KCTD1: variants seen among roughly 807,000 people sequenced by gnomAD.
KCTD1 encodes the protein potassium channel tetramerization domain containing 1.
KCTD1 carries 24 observed loss-of-function variants against 66.0 expected under a neutral mutation model. That is an observed-to-expected ratio of 0.36 (90% CI 0.26 to 0.51). The LOEUF is 0.51. Ranked by LOEUF, KCTD1 falls within the 20% of genes least tolerant of loss-of-function variation. The pLI, the probability that KCTD1 is intolerant of heterozygous loss-of-function variation, is 0.95. For missense variants in KCTD1, 943 were observed against 1,205.2 expected (o/e 0.78, Z 3.22); for synonymous variants, 511 against 517.2 (o/e 0.99, Z 0.16).
Position 26,455,780 on chromosome 18 carries a change from G to A in KCTD1, c.2561C>T (p.Pro854Leu), listed in dbSNP as rs749371844. Reference sequence around the variant, plus strand: ...CTCTTGCTTTATCCGGATGACGGAGGGTACACGGGGCGTCCGCCTCAGTTC... The same window carrying A: ...CTCTTGCTTTATCCGGATGACGGAGAGTACACGGGGCGTCCGCCTCAGTTC... ...RRELRRTPRV[P>L]SVIRIKQEPL... Residue 854 changes from proline (P) to leucine (L), a missense_variant, in exon 5 of 5, where the codon CCC (proline) becomes CTC (leucine). This residue lies in a region of KCTD1 where 162 missense variants were observed against 232.4 expected (regional missense o/e 0.70). Transcript: ENST00000580059. 51 of 1,613,958 alleles carry A rather than the reference G, an allele frequency of 3.2e-5. No homozygotes were observed. Among genetic ancestry groups the A allele is most frequent in the Non-Finnish European group, 4.3e-5 (51 of 1,180,012 alleles).
At chr18:26,579,446 G>A (rs867953499) in intron 1 of KCTD1, among the ~76,000 whole-genome samples, 7 of 152,104 alleles carry the variant, frequency 4.6e-5, no homozygotes, top group African/African-American at 1.4e-4. Flanking sequence ...CAGAGAAAAC[G>A]AAAATTGTAA....
At chr18:26,643,026 C>T (rs1987861344), upstream of KCTD1, among the ~76,000 whole-genome samples, 1 of 152,100 alleles carries the variant, frequency 6.6e-6, no homozygotes, top group Non-Finnish European at 1.5e-5. Flanking sequence ...TGAGTTCAGG[C>T]TGCCATAACA....
At chr18:26,501,313 T>C (rs1044711646) in intron 1 of KCTD1, 63 bp from the exon 2 acceptor site, 28 of 1,390,634 alleles carry the variant, frequency 2.0e-5, no homozygotes, top group Middle Eastern at 1.8e-4. Context: ...AGGAAATACA[T>C]ATAGCATAAA....
rs890301552 is a variant in KCTD1 at position 26,547,661 on chromosome 18, C to G, written c.876G>C (p.Leu292=). Residue 292 remains leucine, a synonymous_variant, in exon 1 of 5, where the codon CTG becomes CTC. Transcript: ENST00000580059. ...TGGTGCTGAAGACGCTGGAGGTGTACAGCTTGCGCAGGTCGGCGCGCGTGA... is the reference window on the plus strand; with the variant it reads ...TGGTGCTGAAGACGCTGGAGGTGTAGAGCTTGCGCAGGTCGGCGCGCGTGA... ...QAITRADLRK[L]YTSSVFSTNT... 1 of 1,551,566 alleles carries G rather than the reference C, an allele frequency of 6.4e-7. No individual in the cohort carries two copies. Among genetic ancestry groups the G allele is most frequent in the Non-Finnish European group, 8.7e-7 (1 of 1,147,002 alleles).
intron 1 of KCTD1, among the ~76,000 whole-genome samples, chr18:26,540,044 G>GATT (rs1489304607): frequency 6.6e-6 from 1 of 152,136 alleles, no homozygotes; most frequent in African/African-American, 2.4e-5. Flanking sequence ...GGGCCCAAAT[G>GATT]GGAACTGGTG....
At chr18:26,628,169 T>C (rs1987543398) in intron 1 of KCTD1, among the ~76,000 whole-genome samples, 1 of 152,324 alleles carries the variant, frequency 6.6e-6, no homozygotes, top group Non-Finnish European at 1.5e-5. Context: ...CATTTATTTT[T>C]CATCCAGACT....
chr18:26,564,333 G>C (rs1057021086), intron 1 of KCTD1, among the ~76,000 whole-genome samples: 3 of 152,096 alleles, frequency 2.0e-5, no homozygotes, highest in African/African-American at 7.2e-5. Flanking sequence ...CTGGGCTCTA[G>C]CTGCACCTCA....
At chr18:26,654,095 ACT>A (rs578237054) in intron 1 of KCTD1, among the ~76,000 whole-genome samples, 167 of 152,340 alleles carry the variant, frequency 1.1e-3, no homozygotes, top group African/African-American at 3.9e-3. Context: ...GAAAACTATC[ACT>A]CTGATTCAGA....
chr18:26,496,357 A>C (rs907571739), intron 2 of KCTD1, among the ~76,000 whole-genome samples: 1 of 152,166 alleles, frequency 6.6e-6, no homozygotes, highest in Non-Finnish European at 1.5e-5. Context: ...TCTTGACTTC[A>C]TACTTATTTA....
chr18:26,456,428 G>C (rs965250838), intron 4 of KCTD1: 3 of 152,234 alleles, frequency 2.0e-5, no homozygotes, highest in African/African-American at 7.2e-5. Flanking sequence ...TCCTAATACC[G>C]AGTTAATATA....
At chr18:26,506,500 G>A (rs1457808988) in intron 1 of KCTD1, among the ~76,000 whole-genome samples, 1 of 152,210 alleles carries the variant, frequency 6.6e-6, no homozygotes, top group Non-Finnish European at 1.5e-5. Context: ...AAGTGGGAGA[G>A]CACATGGTAC....
At chr18:26,469,170 GT>G (rs11336950) in intron 3 of KCTD1, among the ~76,000 whole-genome samples, 79,202 of 146,138 alleles carry the variant, frequency 0.54, 22,297 homozygotes, top group African/African-American at 0.73. Flanking sequence ...ACATGCTTTT[GT>G]TTTTTTTTTT....
At chr18:26,560,654 G>C (rs1176736107) in intron 1 of KCTD1, among the ~76,000 whole-genome samples, 1 of 152,168 alleles carries the variant, frequency 6.6e-6, no homozygotes, top group Non-Finnish European at 1.5e-5. Flanking sequence ...GTGTGTTCTG[G>C]GGTGTGTTTA....
chr18:26,622,586 A>G (rs1295389599), intron 1 of KCTD1, among the ~76,000 whole-genome samples: 3 of 152,224 alleles, frequency 2.0e-5, no homozygotes, highest in Admixed American at 2.0e-4. Context: ...ACATATGCCA[A>G]TATAAACACT....
In KCTD1 at chr18:26,584,729, C is replaced by A. The variant is rs74814484; in HGVS notation, c.-16+44418G>T. On this transcript the variant is annotated intron_variant, in intron 1 of 4. Transcript: ENST00000317932. ...TGAGTACCTAGGAGGGGGCTCCCGA[C>A]CACACTGGCTGTGTAGGGTGTGATG... 7.8e-4 allele frequency among the ~76,000 whole-genome samples: 119 copies of A among 152,190 alleles called. No individual in the cohort carries two copies. In the East Asian group the frequency reaches 0.014, roughly 18 times the overall value.
intron 1 of KCTD1, among the ~76,000 whole-genome samples, chr18:26,647,514 C>T (rs1456622412): frequency 1.1e-4 from 4 of 37,554 alleles, no homozygotes; most frequent in Non-Finnish European, 2.2e-4. Flanking sequence ...AGTGAGACTC[C>T]ATCTCAAAAA....
In KCTD1 at chr18:26,455,680, TC is replaced by T; in HGVS notation, c.*62del. On this transcript the variant is annotated 3_prime_UTR_variant, in exon 5 of 5. Coordinates refer to ENST00000580059, the MANE Select transcript of KCTD1 (RefSeq NM_001142730.3). Reference sequence around the variant, plus strand: ...TTGCTGTCCCAACTGCACATAAATGTCCCTTTTTTGTTTGAGTTATTGGTTG... The same window carrying T: ...TTGCTGTCCCAACTGCACATAAATGTCCTTTTTTGTTTGAGTTATTGGTTG... The T allele has an allele frequency of 6.2e-7, 1 of 1,602,908 alleles. No homozygotes were observed. Among genetic ancestry groups the T allele is most frequent in the South Asian group, 1.1e-5 (1 of 90,472 alleles).
chr18:26,535,135 G>A (rs1598924874), intron 1 of KCTD1, among the ~76,000 whole-genome samples: 1 of 150,914 alleles, frequency 6.6e-6, no homozygotes, highest in South Asian at 2.1e-4. Flanking sequence ...CTGCCATCCT[G>A]TGCCAAGAGG....
chr18:26,463,327 G>A (rs1457855213), intron 3 of KCTD1, among the ~76,000 whole-genome samples: 2 of 151,960 alleles, frequency 1.3e-5, no homozygotes, highest in Non-Finnish European at 2.9e-5. Context: ...GTGGTGGCCC[G>A]GGCCTGTGGT....
Sources: gnomAD v4.1 joint callset for allele counts (sites outside exome capture counted in the v4.1 genomes callset) on GRCh38, gnomAD v4.1.1 for gene constraint, gnomAD v4.1.1 regional missense constraint, MANE v1.5 for transcripts, NCBI Gene and HGNC (gene_info 2026-07-23, HGNC 2026-07-21) for gene names.